Variants in CCDC141 observed in about 807,000 individuals in gnomAD.
CCDC141 encodes coiled-coil domain-containing protein 141.
In CCDC141, 168 loss-of-function variants were observed where a neutral mutation model predicts 181.0. That is an observed-to-expected ratio of 0.93 (90% CI 0.82 to 1.05). The LOEUF (loss-of-function observed/expected upper bound fraction) is 1.05. CCDC141 is among the 50% of genes least tolerant of loss of function. The pLI is 0.00. For synonymous variants in CCDC141, 666 were observed against 642.3 expected (o/e 1.04, Z -0.56); for missense variants, 1,902 against 1,788.5 (o/e 1.06, Z -1.14).
intron 6 of CCDC141, among the ~76,000 whole-genome samples, chr2:178,940,821 C>A (rs1689480203): frequency 6.6e-6 from 1 of 152,162 alleles, no homozygotes; most frequent in Non-Finnish European, 1.5e-5. Flanking sequence ...CTTCCCCCGC[C>A]CAGACTTACT....
intron 14 of CCDC141, among the ~76,000 whole-genome samples, chr2:178,870,581 G>C (rs1047537395): frequency 6.6e-6 from 1 of 152,164 alleles, no homozygotes; most frequent in Non-Finnish European, 1.5e-5. Context: ...TTTTATAAGA[G>C]TTTGCTGTGG....
chr2:178,934,010 T>G (rs899002911), intron 6 of CCDC141, among the ~76,000 whole-genome samples: 4 of 152,126 alleles, frequency 2.6e-5, no homozygotes, highest in African/African-American at 9.7e-5. Flanking sequence ...TAACAGAAAC[T>G]CCAACATTTT....
At chr2:178,942,911 G>A (rs1007404656) in intron 6 of CCDC141, among the ~76,000 whole-genome samples, 3 of 151,994 alleles carry the variant, frequency 2.0e-5, no homozygotes, top group African/African-American at 4.8e-5. Context: ...ATGCTTTTTT[G>A]TTTATGGACA....
intron 4 of CCDC141, among the ~76,000 whole-genome samples, chr2:178,969,257 C>A (rs912517970): frequency 1.7e-4 from 26 of 152,090 alleles, no homozygotes; most frequent in Admixed American, 7.9e-4. Flanking sequence ...TTTTATGAGG[C>A]CAGCATCATT....
At chr2:178,897,410 A>G (rs1687464922) in intron 8 of CCDC141, among the ~76,000 whole-genome samples, 1 of 152,256 alleles carries the variant, frequency 6.6e-6, no homozygotes, top group Admixed American at 6.5e-5. Context: ...AGTAGCCAAC[A>G]CAAATGAAAA....
At chr2:178,822,463 C>T in the CCDC141 span, among the ~76,000 whole-genome samples, 1 of 151,180 alleles carries the variant, frequency 6.6e-6, no homozygotes, top group Non-Finnish European at 1.5e-5. Context: ...TTTAGCTCCT[C>T]CAAATAGTAA....
At chr2:179,013,155 CA>C (rs1198866650) in intron 2 of CCDC141, among the ~76,000 whole-genome samples, 2 of 152,036 alleles carry the variant, frequency 1.3e-5, no homozygotes, top group African/African-American at 4.8e-5. Flanking sequence ...GCATCCAAAT[CA>C]GTAAAGAGGA....
chr2:178,980,170 C>A (rs751673923), intron 2 of CCDC141, among the ~76,000 whole-genome samples: 3 of 152,114 alleles, frequency 2.0e-5, no homozygotes, highest in Non-Finnish European at 4.4e-5. Context: ...TAGATAGCTT[C>A]AAGGGACCAT....
At chr2:178,871,608 T>G in intron 13 of CCDC141, 56 bp from the exon 14 acceptor site, 1 of 1,596,148 alleles carries the variant, frequency 6.3e-7, no homozygotes, top group South Asian at 1.1e-5. Context: ...TCCAGCAAAT[T>G]TGATCATTCT....
At chr2:178,898,898 T>C (rs1687542534) in intron 8 of CCDC141, among the ~76,000 whole-genome samples, 1 of 152,160 alleles carries the variant, frequency 6.6e-6, no homozygotes, top group Non-Finnish European at 1.5e-5. Context: ...TTAAGATAAG[T>C]GTTTATCTTC....
At chr2:178,946,108 A>G (rs563756448) in intron 5 of CCDC141, among the ~76,000 whole-genome samples, 1 of 152,330 alleles carries the variant, frequency 6.6e-6, no homozygotes, top group East Asian at 1.9e-4. Flanking sequence ...TGGTGACCTT[A>G]TAGCAGTTTT....
At chr2:178,870,256 A>AAAAAAAAAAAAAAAAAAGT (rs1686055664) in intron 14 of CCDC141, among the ~76,000 whole-genome samples, 1 of 148,194 alleles carries the variant, frequency 6.7e-6, no homozygotes, top group Non-Finnish European at 1.5e-5. Context: ...AAAAAAAAAG[A>AAAAAAAAAAAAAAAAAAGT]CAGTGAGAGA....
At chr2:178,888,293 T>A (rs1686981254) in intron 9 of CCDC141, among the ~76,000 whole-genome samples, 1 of 152,216 alleles carries the variant, frequency 6.6e-6, no homozygotes, top group African/African-American at 2.4e-5. Context: ...AAGCGGGAAC[T>A]GCCTTTGTGT....
chr2:178,841,337 C>T lies in CCDC141; in HGVS notation c.3475-3593G>A, dbSNP rs140619218. Among the ~76,000 whole-genome samples, 509 of 152,284 alleles carry T rather than the reference C, an allele frequency of 3.3e-3. 4 individuals carry two copies. The highest frequency in any genetic ancestry group is 0.011 in the African/African-American group (473 of 41,552). ...CATCATAAGTGTGTTTATCAAATGA[C>T]ATCTTGAAACCATAATAAATTATGC... On this transcript the variant is annotated intron_variant, in intron 22 of 23. Transcript: ENST00000443758.
rs912668591 is a variant in CCDC141, at chr2:178,833,921, T to A, written c.*252A>T. ...AGAATAATTTTGCTGCATATTATGT[T>A]GAAAACATCTGTTTCTAGAGTACAA... On this transcript the variant is annotated 3_prime_UTR_variant, in exon 24 of 24. Transcript: ENST00000443758. 2 of 433,808 alleles carry A rather than the reference T, an allele frequency of 4.6e-6. No individual in the cohort carries two copies. Among genetic ancestry groups the A allele is most frequent in the Non-Finnish European group, 8.2e-6 (2 of 242,868 alleles). The allele number at this position is 433,808 out of a possible 1,614,324, so 26.9% of individuals were successfully genotyped here. A position where few individuals can be genotyped will look rare whatever the true frequency, so the allele number is the denominator to read the frequency against.
chr2:178,971,370 G>C (rs1690879471), intron 4 of CCDC141, among the ~76,000 whole-genome samples: 1 of 152,174 alleles, frequency 6.6e-6, no homozygotes, highest in Non-Finnish European at 1.5e-5. Context: ...ACCACAATGA[G>C]ATACCATCTC....
At chr2:178,939,347 T>G (rs929636892) in intron 6 of CCDC141, among the ~76,000 whole-genome samples, 1 of 152,196 alleles carries the variant, frequency 6.6e-6, no homozygotes. Flanking sequence ...ACAGAACTTT[T>G]CTGTGGGAGA....
At chr2:178,852,866 A>G (rs1456721161) in intron 20 of CCDC141, among the ~76,000 whole-genome samples, 1 of 152,212 alleles carries the variant, frequency 6.6e-6, no homozygotes, top group Admixed American at 6.5e-5. Context: ...CTGACATGAC[A>G]TTATCTTTCC....
At chr2:178,908,510 C>G (rs951342257) in intron 7 of CCDC141, among the ~76,000 whole-genome samples, 1 of 152,146 alleles carries the variant, frequency 6.6e-6, no homozygotes, top group African/African-American at 2.4e-5. Flanking sequence ...GTTTTAAAGT[C>G]AAATGCCTAA....
Sources: allele counts gnomAD v4.1 joint callset (sites outside exome capture counted in the v4.1 genomes callset), GRCh38; gene constraint gnomAD v4.1.1; transcripts MANE v1.5; gene names NCBI Gene and HGNC (gene_info 2026-07-23, HGNC 2026-07-21).